The following NALCN variants were observed in gnomAD, a reference collection of about 807,000 sequenced individuals.
NALCN encodes sodium leak channel NALCN.
Under a neutral mutation model 225.3 loss-of-function variants are expected in NALCN, and 111 were observed. The observed-to-expected ratio is 0.49, with a 90% CI of 0.42 to 0.58. The LOEUF is 0.58. NALCN is among the 20% of genes least tolerant of loss of function. The probability of loss-of-function intolerance (pLI) is 0.00; values close to 1 mark genes in which losing one functional copy is unlikely to be tolerated. For missense variants in NALCN, 1,378 were observed against 2,202.4 expected, an observed-to-expected ratio of 0.63 and a Z score of 7.49; for synonymous variants, 764 against 769.0, an observed-to-expected ratio of 0.99 and a Z score of 0.11.
intron 10 of NALCN, among the ~76,000 whole-genome samples, chr13:101,264,986 G>A (rs973358604): frequency 8.5e-5 from 13 of 152,156 alleles, no homozygotes; most frequent in African/African-American, 2.4e-4. Flanking sequence ...AAGCAAGGAA[G>A]CCATTTCTTC....
At chr13:101,177,432 T>TATATATATATATATATATATATATATA (rs2039007479) in intron 14 of NALCN, among the ~76,000 whole-genome samples, 1 of 147,358 alleles carries the variant, frequency 6.8e-6, no homozygotes, top group Non-Finnish European at 1.5e-5. Context: ...TATATATATA[T>TATATATATATATATATATATATATATA]GGTAGAAGCT....
rs112465811 is a variant in NALCN at position 101,258,251 on chromosome 13, A to C, written c.1266+192T>G. Among the ~76,000 whole-genome samples the C allele has an allele frequency of 0.012, 1,779 of 152,300 alleles. 36 individuals are homozygous for C. Among genetic ancestry groups the C allele is most frequent in the African/African-American group, 0.041 (1,707 of 41,568 alleles). ...TGACATACTGTGAGGAAGATGACTC[A>C]GGCCCGCGGTGACAGGAAATGAATC... On this transcript the variant is annotated intron_variant, in intron 11 of 43. Transcript: ENST00000251127.
At chr13:101,359,902 G>T (rs76629128) in intron 6 of NALCN, among the ~76,000 whole-genome samples, 4,911 of 152,098 alleles carry the variant, frequency 0.032, 269 homozygotes, top group African/African-American at 0.11. Flanking sequence ...ACGATCTCCA[G>T]TTTATTGTAC....
chr13:101,065,640 G>T, intron 39 of NALCN, 79 bp from the exon 40 acceptor site: 2 of 1,408,612 alleles, frequency 1.4e-6, no homozygotes, highest in Non-Finnish European at 1.9e-6. Context: ...AAAAAAAAAA[G>T]GTGCTATTTC....
At chr13:101,057,433 G>C (rs558343218) in intron 43 of NALCN, 1 of 178,018 alleles carries the variant, frequency 5.6e-6, no homozygotes, top group Non-Finnish European at 1.2e-5. Flanking sequence ...TGAGTACTAC[G>C]TAAGTGTTTG....
rs1412447394 is a variant in NALCN at position 101,142,835 on chromosome 13, C to T, written c.2118+245G>A. 9 of 472,824 alleles carry T rather than the reference C, an allele frequency of 1.9e-5. No homozygotes were observed. The East Asian group carries it at 3.8e-4, about 20-fold the overall frequency. 29.3% of individuals were successfully genotyped at this position (472,824 alleles called of 1,614,324 possible). A position where few individuals can be genotyped will look rare whatever the true frequency, so the allele number is the denominator to read the frequency against. On this transcript the variant is annotated intron_variant, in intron 17 of 43. Coordinates refer to ENST00000251127, the MANE Select transcript of NALCN (RefSeq NM_052867.4). Reference sequence around the variant, plus strand: ...TGAGAAAATGCAGATTTGGGAGGCTCTTGATGTTTACAAAGTCGCATGGCT... The same window carrying T: ...TGAGAAAATGCAGATTTGGGAGGCTTTTGATGTTTACAAAGTCGCATGGCT...
At chr13:101,355,796 G>A (rs2046039594) in intron 6 of NALCN, among the ~76,000 whole-genome samples, 1 of 152,104 alleles carries the variant, frequency 6.6e-6, no homozygotes, top group Admixed American at 6.6e-5. Context: ...CACATAATTG[G>A]AAGTAAAACA....
chr13:101,338,497 A>G (rs1290078610), intron 7 of NALCN, among the ~76,000 whole-genome samples: 1 of 152,162 alleles, frequency 6.6e-6, no homozygotes, highest in African/African-American at 2.4e-5. Flanking sequence ...TTTATTTTTT[A>G]CCTGACTGTA....
intron 17 of NALCN, among the ~76,000 whole-genome samples, chr13:101,129,092 C>A (rs995650550): frequency 6.6e-6 from 1 of 152,074 alleles, no homozygotes; most frequent in African/African-American, 2.4e-5. Context: ...TTTCTTAGAT[C>A]CCTTGACTTC....
At position 101,254,538 on chromosome 13, in the gene NALCN, T is replaced by A. The variant is rs559781586; in HGVS notation, c.1266+3905A>T. ...ACTACCTAGTTTATTTATTTATTTA[T>A]TTTTCCAGGATTTCAAGTTAGTTTT... On this transcript the variant is annotated intron_variant, in intron 11 of 43. Transcript: ENST00000251127. 2.6e-5 allele frequency among the ~76,000 whole-genome samples: 4 copies of A among 152,208 alleles called. No homozygotes were observed. In the South Asian group the frequency reaches 8.3e-4, roughly 32 times the overall value.
intron 11 of NALCN, among the ~76,000 whole-genome samples, chr13:101,257,209 GTT>G (rs34334262): frequency 1.3e-3 from 157 of 121,062 alleles, no homozygotes; most frequent in South Asian, 3.2e-3. Context: ...ATTGTTTATT[GTT>G]TTTTTTTTTT....
intron 7 of NALCN, among the ~76,000 whole-genome samples, chr13:101,333,344 T>C (rs905972830): frequency 6.6e-6 from 1 of 152,228 alleles, no homozygotes; most frequent in Admixed American, 6.5e-5. Flanking sequence ...TTATTTAGCA[T>C]ATTTAAGTTA....
At chr13:101,082,227 G>A (rs2033694656) in intron 33 of NALCN, among the ~76,000 whole-genome samples, 1 of 152,146 alleles carries the variant, frequency 6.6e-6, no homozygotes, top group South Asian at 2.1e-4. Flanking sequence ...CTAAAAATAA[G>A]AGTTTATTAC....
chr13:101,126,587 G>C (rs185094855), intron 17 of NALCN, among the ~76,000 whole-genome samples: 1 of 151,950 alleles, frequency 6.6e-6, no homozygotes, highest in Admixed American at 6.6e-5. Context: ...CCACCTCCTG[G>C]GTTCAAGCGA....
intron 18 of NALCN, among the ~76,000 whole-genome samples, chr13:101,121,838 G>A (rs990050972): frequency 5.9e-5 from 9 of 152,090 alleles, no homozygotes; most frequent in South Asian, 2.1e-4. Flanking sequence ...CTAGGAGAGC[G>A]GAGTCCCTAG....
chr13:101,178,892 C>A (rs1418523533), intron 14 of NALCN, among the ~76,000 whole-genome samples: 1 of 152,142 alleles, frequency 6.6e-6, no homozygotes, highest in Non-Finnish European at 1.5e-5. Flanking sequence ...TTGCAGCCTG[C>A]GTTAGAGCTT....
intron 18 of NALCN, among the ~76,000 whole-genome samples, chr13:101,112,641 A>T (rs2035505216): frequency 6.6e-6 from 1 of 152,244 alleles, no homozygotes; most frequent in African/African-American, 2.4e-5. Flanking sequence ...TTGAAAATGC[A>T]ATGATTTTAT....
chr13:101,188,557 C>CAT (rs1368101691), intron 14 of NALCN, among the ~76,000 whole-genome samples: 2 of 151,520 alleles, frequency 1.3e-5, no homozygotes, highest in African/African-American at 2.4e-5. Context: ...TATATGTATA[C>CAT]ATATATATAC....
chr13:101,184,117 A>G (rs1402692015), intron 14 of NALCN, among the ~76,000 whole-genome samples: 1 of 152,234 alleles, frequency 6.6e-6, no homozygotes, highest in Non-Finnish European at 1.5e-5. Flanking sequence ...TCAATGAAAA[A>G]GTGGAGAATA....
Sources: allele counts gnomAD v4.1 joint callset (sites outside exome capture counted in the v4.1 genomes callset), GRCh38; gene constraint gnomAD v4.1.1; transcripts MANE v1.5; gene names NCBI Gene and HGNC (gene_info 2026-07-23, HGNC 2026-07-21).